Variants in NRG1 observed in about 807,000 individuals in gnomAD.
NRG1 encodes neuregulin 1.
A neutral mutation model predicts 63.8 loss-of-function variants in NRG1; 18 were observed. The ratio of observed to expected loss-of-function variants is 0.28; its 90% CI spans 0.19 to 0.42. The LOEUF is 0.42. NRG1 is among the 10% of genes least tolerant of loss of function. NRG1 has a pLI of 1.00. For synonymous variants in NRG1, 302 were observed against 301.3 expected, an observed-to-expected ratio of 1.00 and a Z score of -0.02; for missense variants, 762 against 814.7, an observed-to-expected ratio of 0.94 and a Z score of 0.79.
intron 1 of NRG1, among the ~76,000 whole-genome samples, chr8:32,577,720 G>A (rs996286580): frequency 1.3e-5 from 2 of 148,906 alleles, no homozygotes; most frequent in African/African-American, 2.5e-5. Flanking sequence ...TTTGTTTTTC[G>A]AGACCTTGGT....
intron 1 of NRG1, among the ~76,000 whole-genome samples, chr8:32,092,541 A>T (rs1829332766): frequency 6.6e-6 from 1 of 152,150 alleles, no homozygotes; most frequent in Non-Finnish European, 1.5e-5. Flanking sequence ...AACATTAAAA[A>T]GATTTGCTTG....
chr8:31,877,738 T>C (rs1830038736), intron 1 of NRG1, among the ~76,000 whole-genome samples: 1 of 152,148 alleles, frequency 6.6e-6, no homozygotes, highest in Non-Finnish European at 1.5e-5. Flanking sequence ...CTAGGTATTT[T>C]ATACATGTAT....
chr8:31,886,393 A>T (rs1300494701), intron 1 of NRG1, among the ~76,000 whole-genome samples: 1 of 152,114 alleles, frequency 6.6e-6, no homozygotes, highest in African/African-American at 2.4e-5. Flanking sequence ...TTACTTTTTA[A>T]TATATACACC....
intron 1 of NRG1, among the ~76,000 whole-genome samples, chr8:31,932,730 G>T (rs1348686848): frequency 6.6e-6 from 1 of 152,190 alleles, no homozygotes; most frequent in Non-Finnish European, 1.5e-5. Flanking sequence ...GAGAGCACAT[G>T]GGTGAGATCA....
At chr8:32,039,096 A>C (rs1458176385) in intron 1 of NRG1, among the ~76,000 whole-genome samples, 2 of 152,210 alleles carry the variant, frequency 1.3e-5, no homozygotes, top group Non-Finnish European at 2.9e-5. Flanking sequence ...TACGAAACTA[A>C]AAGTGAACAA....
chr8:32,095,808 T>C (rs1829829644), intron 1 of NRG1, among the ~76,000 whole-genome samples: 1 of 152,160 alleles, frequency 6.6e-6, no homozygotes, highest in Non-Finnish European at 1.5e-5. Flanking sequence ...CTTTTGTTTT[T>C]AAAGAAGGAA....
Position 32,020,000 on chromosome 8 carries a change from C to G in NRG1, c.37+380569C>G, listed in dbSNP as rs183380574. Among the ~76,000 whole-genome samples the G allele has an allele frequency of 2.1e-3, 321 of 152,272 alleles. 1 individual carries two copies. The highest frequency in any genetic ancestry group is 7.3e-3 in the African/African-American group (305 of 41,548). On this transcript the variant is annotated intron_variant, in intron 1 of 10. Transcript: ENST00000519301. ...TTCCATTTTTAAATAAATTTGGAAT[C>G]AGATTGACAACCTCCTCCCCATGCC...
chr8:32,344,324 C>CTCTG (rs1804464663), intron 1 of NRG1, among the ~76,000 whole-genome samples: 2 of 64,096 alleles, frequency 3.1e-5, no homozygotes, highest in African/African-American at 5.6e-5. Context: ...TTCCTTCTTT[C>CTCTG]TCTTTCTTTC....
chr8:31,689,627 C>T (rs1442392833), intron 1 of NRG1, among the ~76,000 whole-genome samples: 10 of 152,020 alleles, frequency 6.6e-5, no homozygotes, highest in African/African-American at 2.4e-4. Flanking sequence ...TATCTCTTTC[C>T]TAATTTTCTT....
rs1278196821 is a variant in NRG1 at position 32,458,884 on chromosome 8, T to G, written c.38-136944T>G. ...AAAACTATGAATTATTAGTAAATCT[T>G]CCTCCTGGCTTTCTATCTCACTGGC... On this transcript the variant is annotated intron_variant, in intron 1 of 10. Transcript: ENST00000519301. 3.9e-5 allele frequency among the ~76,000 whole-genome samples: 6 copies of G among 152,206 alleles called. No individual in the cohort carries two copies. In the East Asian group the frequency reaches 1.2e-3, roughly 29 times the overall value.
At chr8:32,592,374 T>A (rs1294998954) in intron 1 of NRG1, among the ~76,000 whole-genome samples, 2 of 152,120 alleles carry the variant, frequency 1.3e-5, no homozygotes, top group Non-Finnish European at 2.9e-5. Flanking sequence ...TGGAGCAGGA[T>A]CCAATCAGTA....
At chr8:32,656,853 AG>A (rs34168882) in intron 5 of NRG1, among the ~76,000 whole-genome samples, 66,838 of 151,608 alleles carry the variant, frequency 0.44, 14,763 homozygotes, top group African/African-American at 0.46. Context: ...AAGCTTCCTC[AG>A]GTAAAATATT....
intron 1 of NRG1, among the ~76,000 whole-genome samples, chr8:31,850,871 C>A (rs181457591): frequency 4.0e-4 from 61 of 152,310 alleles, no homozygotes; most frequent in African/African-American, 1.3e-3. Flanking sequence ...AATGAAATGG[C>A]TTTCTCAGAG....
At chr8:32,402,183 G>A (rs1391647794) in intron 1 of NRG1, among the ~76,000 whole-genome samples, 1 of 152,160 alleles carries the variant, frequency 6.6e-6, no homozygotes, top group African/African-American at 2.4e-5. Context: ...GAAGTGCTGG[G>A]ATTACAGTTG....
chr8:32,488,464 AC>A (rs1297930714), intron 1 of NRG1, among the ~76,000 whole-genome samples: 2 of 152,080 alleles, frequency 1.3e-5, no homozygotes, highest in Admixed American at 1.3e-4. Context: ...CTTGGGAAAT[AC>A]CCCCCAAAAT....
chr8:32,599,710 G>A (rs1031082540), intron 2 of NRG1, among the ~76,000 whole-genome samples: 1 of 152,158 alleles, frequency 6.6e-6, no homozygotes, highest in African/African-American at 2.4e-5. Flanking sequence ...AGCTTGGCGT[G>A]TGACAGATTC....
intron 1 of NRG1, among the ~76,000 whole-genome samples, chr8:32,373,675 G>A (rs1809230211): frequency 6.6e-6 from 1 of 152,146 alleles, no homozygotes; most frequent in Non-Finnish European, 1.5e-5. Context: ...CTACTGGGGA[G>A]GATGAAGCAG....
intron 1 of NRG1, among the ~76,000 whole-genome samples, chr8:32,335,059 G>T (rs73582358): frequency 0.19 from 28,954 of 151,984 alleles, 3,118 homozygotes; most frequent in Middle Eastern, 0.3. Context: ...ATCCATAATT[G>T]ATATAGTGGT....
chr8:31,987,962 C>G (rs532045899), intron 1 of NRG1, among the ~76,000 whole-genome samples: 9 of 152,124 alleles, frequency 5.9e-5, no homozygotes, highest in African/African-American at 2.2e-4. Flanking sequence ...AACACAAGTA[C>G]AGTATTTGTA....
Sources: allele counts gnomAD v4.1 joint callset (sites outside exome capture counted in the v4.1 genomes callset), GRCh38; gene constraint gnomAD v4.1.1; transcripts MANE v1.5; gene names NCBI Gene and HGNC (gene_info 2026-07-23, HGNC 2026-07-21).